MLLT3: variants seen among roughly 807,000 people sequenced by gnomAD.
MLLT3 encodes protein AF-9.
A neutral mutation model predicts 53.2 loss-of-function variants in MLLT3; 4 were observed. That is an observed-to-expected ratio of 0.08 (90% confidence interval 0.04 to 0.17). The LOEUF is 0.17. MLLT3 is among the 10% of genes least tolerant of loss of function. The pLI, the probability that MLLT3 is intolerant of heterozygous loss-of-function variation, is 1.00. For synonymous variants in MLLT3, 283 were observed against 230.6 expected, an observed-to-expected ratio of 1.23 and a Z score of -2.06; for missense variants, 569 against 684.0, an observed-to-expected ratio of 0.83 and a Z score of 1.87.
chr9:20,411,090 G>C (rs1822715655), intron 5 of MLLT3: 1 of 152,224 alleles, frequency 6.6e-6, no homozygotes, highest in African/African-American at 2.4e-5. Flanking sequence ...CTAGGACAAT[G>C]TGCACAGTCA....
chr9:20,356,775 T>C (rs1314574656), intron 8 of MLLT3, among the ~76,000 whole-genome samples: 1 of 152,102 alleles, frequency 6.6e-6, no homozygotes, highest in Non-Finnish European at 1.5e-5. Context: ...AATAGAACAT[T>C]TGGACGCTGA....
rs116193502 is a variant in MLLT3 at position 20,611,053 on chromosome 9, A to G, written c.193+9601T>C. 5.9e-3 allele frequency among the ~76,000 whole-genome samples: 902 copies of G among 152,278 alleles called. 6 individuals carry two copies. Among genetic ancestry groups the G allele is most frequent in the African/African-American group, 0.02 (835 of 41,586 alleles). ...AAATAGAAGAATGTTTCTTCAATAT[A>G]AAAAAGGTCGTAATTATTTAGCTTT... On this transcript the variant is annotated intron_variant, in intron 2 of 10. Transcript: ENST00000380338.
At chr9:20,566,885 A>C (rs1215797375) in intron 2 of MLLT3, among the ~76,000 whole-genome samples, 1 of 152,162 alleles carries the variant, frequency 6.6e-6, no homozygotes, top group East Asian at 1.9e-4. Context: ...ACGGAGGAAT[A>C]GCAGCATATC....
At chr9:20,413,612 C>G in intron 5 of MLLT3, 109 bp downstream of exon 5, 1 of 918,092 alleles carries the variant, frequency 1.1e-6, no homozygotes, top group Non-Finnish European at 1.6e-6. Context: ...CTCTGTGCTA[C>G]CATTTTATGG....
At chr9:20,545,071 G>T in intron 2 of MLLT3, among the ~76,000 whole-genome samples, 1 of 128,222 alleles carries the variant, frequency 7.8e-6, no homozygotes, top group East Asian at 2.4e-4. Context: ...ATCCAGCCTG[G>T]GTGACACAGC....
intron 2 of MLLT3, among the ~76,000 whole-genome samples, chr9:20,463,514 T>G (rs564726914): frequency 3.9e-5 from 6 of 152,146 alleles, no homozygotes; most frequent in Non-Finnish European, 7.4e-5. Flanking sequence ...GTAATATTAT[T>G]AATTGCTAGG....
In MLLT3 at chr9:20,344,463, A is replaced by T. The variant is rs1014493281; in HGVS notation, c.*1980T>A. 1 of 219,378 alleles carries T rather than the reference A, an allele frequency of 4.6e-6. No homozygotes were observed. The highest frequency in any genetic ancestry group is 2.2e-5 in the African/African-American group (1 of 44,618). 13.6% of individuals were successfully genotyped at this position (219,378 alleles called of 1,614,324 possible). On this transcript the variant is annotated 3_prime_UTR_variant, in exon 11 of 11. Coordinates refer to ENST00000380338, the MANE Select transcript of MLLT3 (RefSeq NM_004529.4). ...GCTATAAAGTTAAAAACAAAACGCA[A>T]CTGAAACCACACAATTCATCAATCA... is the stretch of plus-strand genomic sequence containing the variant.
At chr9:20,460,838 A>G (rs1268489977) in intron 2 of MLLT3, among the ~76,000 whole-genome samples, 1 of 152,228 alleles carries the variant, frequency 6.6e-6, no homozygotes, top group Non-Finnish European at 1.5e-5. Flanking sequence ...AAACTTTTAA[A>G]GCTTTTAAAA....
intron 2 of MLLT3, among the ~76,000 whole-genome samples, chr9:20,473,065 C>T (rs929775472): frequency 6.6e-6 from 1 of 152,076 alleles, no homozygotes; most frequent in Non-Finnish European, 1.5e-5. Context: ...AAATCAGAAA[C>T]TCTGGGGTAG....
intron 2 of MLLT3, among the ~76,000 whole-genome samples, chr9:20,491,992 T>A (rs543938370): frequency 7.9e-5 from 12 of 152,202 alleles, no homozygotes; most frequent in African/African-American, 2.9e-4. Flanking sequence ...CTATTTGTGT[T>A]TTGTGTACAG....
intron 2 of MLLT3, among the ~76,000 whole-genome samples, chr9:20,543,130 A>C (rs1236550655): frequency 6.6e-6 from 1 of 152,214 alleles, no homozygotes; most frequent in Non-Finnish European, 1.5e-5. Flanking sequence ...TACCCAGACC[A>C]CTAAACTTTC....
chr9:20,498,539 C>T (rs543908103), intron 2 of MLLT3, among the ~76,000 whole-genome samples: 72 of 152,280 alleles, frequency 4.7e-4, no homozygotes, highest in Non-Finnish European at 8.8e-4. Context: ...TTGTCCAACC[C>T]GCCGACCACA....
chr9:20,487,656 G>C (rs550943756), intron 2 of MLLT3, among the ~76,000 whole-genome samples: 33 of 152,202 alleles, frequency 2.2e-4, no homozygotes, highest in African/African-American at 7.9e-4. Context: ...CACAATCCAA[G>C]TGGCACAATT....
At chr9:20,612,986 T>A (rs1188117079) in intron 2 of MLLT3, among the ~76,000 whole-genome samples, 1 of 152,162 alleles carries the variant, frequency 6.6e-6, no homozygotes, top group Admixed American at 6.5e-5. Flanking sequence ...TGCACAAAGA[T>A]GCTCACTGCA....
At chr9:20,349,736 T>C (rs1820964448) in intron 10 of MLLT3, among the ~76,000 whole-genome samples, 1 of 152,234 alleles carries the variant, frequency 6.6e-6, no homozygotes, top group Non-Finnish European at 1.5e-5. Flanking sequence ...CATTGTGCTA[T>C]CTTGCAGATC....
At chr9:20,522,841 G>C (rs1481433941) in intron 2 of MLLT3, among the ~76,000 whole-genome samples, 1 of 152,100 alleles carries the variant, frequency 6.6e-6, no homozygotes, top group East Asian at 1.9e-4. Context: ...CGTGCCTGTA[G>C]GGCCAGCTAC....
intron 10 of MLLT3, among the ~76,000 whole-genome samples, chr9:20,347,311 C>T (rs919496660): frequency 3.9e-5 from 6 of 152,092 alleles, no homozygotes; most frequent in Admixed American, 1.3e-4. Flanking sequence ...TAGTTGTGTT[C>T]ACTTGATTCC....
At chr9:20,498,083 C>T (rs961150964) in intron 2 of MLLT3, among the ~76,000 whole-genome samples, 8 of 151,686 alleles carry the variant, frequency 5.3e-5, no homozygotes, top group Middle Eastern at 3.4e-3. Flanking sequence ...ATTAGCTGGG[C>T]GTGGTGGCAT....
chr9:20,424,867 CT>C (rs1189449296), intron 4 of MLLT3, among the ~76,000 whole-genome samples: 1 of 152,058 alleles, frequency 6.6e-6, no homozygotes, highest in Non-Finnish European at 1.5e-5. Flanking sequence ...ATTACAAAAG[CT>C]TAATATATGT....
Sources: gnomAD v4.1 joint callset for allele counts (sites outside exome capture counted in the v4.1 genomes callset) on GRCh38, gnomAD v4.1.1 for gene constraint, MANE v1.5 for transcripts, NCBI Gene and HGNC (gene_info 2026-07-23, HGNC 2026-07-21) for gene names.